Variants in TLCD4 observed in about 807,000 individuals in gnomAD.
TLCD4 encodes TLC domain-containing protein 4.
TLCD4 carries 7 observed loss-of-function variants against 24.2 expected under a neutral mutation model. The ratio of observed to expected loss-of-function variants is 0.29; its 90% CI spans 0.16 to 0.54. TLCD4 has a LOEUF of 0.54. Among genes scored for constraint, TLCD4 ranks in the 20% least tolerant of loss-of-function variants. The pLI, the probability that TLCD4 is intolerant of heterozygous loss-of-function variation, is 0.95. For synonymous variants in TLCD4, 103 were observed against 106.4 expected (o/e 0.97, Z 0.20); for missense variants, 259 against 313.9 (o/e 0.82, Z 1.32).
At chr1:95,136,408 A>G (rs1166436865) in intron 1 of TLCD4, among the ~76,000 whole-genome samples, 1 of 152,172 alleles carries the variant, frequency 6.6e-6, no homozygotes, top group African/African-American at 2.4e-5. Flanking sequence ...ATTTGGATTC[A>G]TTATTTCAGC....
chr1:95,163,883 C>T (rs947287762), intron 5 of TLCD4: 1 of 152,418 alleles, frequency 6.6e-6, no homozygotes, highest in African/African-American at 2.4e-5. Flanking sequence ...CAGAGGGGCA[C>T]CCAGCCATAT....
intron 1 of TLCD4, among the ~76,000 whole-genome samples, chr1:95,123,503 G>A (rs1264647092): frequency 6.6e-6 from 1 of 152,012 alleles, no homozygotes; most frequent in Non-Finnish European, 1.5e-5. Context: ...TTTTTAAATT[G>A]CAAAAGTAAA....
At chr1:95,109,891 C>T in the TLCD4 span, among the ~76,000 whole-genome samples, 1 of 136,092 alleles carries the variant, frequency 7.3e-6, no homozygotes, top group Non-Finnish European at 1.6e-5. Flanking sequence ...GTTTGTACTA[C>T]ATACACATAA....
At chr1:95,155,850 A>G (rs555942799) in intron 5 of TLCD4, among the ~76,000 whole-genome samples, 1 of 151,650 alleles carries the variant, frequency 6.6e-6, no homozygotes, top group African/African-American at 2.4e-5. Flanking sequence ...GGTGGGGGAT[A>G]GGGGATAACA....
At chr1:95,154,498 G>T (rs562085286) in intron 5 of TLCD4, among the ~76,000 whole-genome samples, 17 of 152,254 alleles carry the variant, frequency 1.1e-4, no homozygotes, top group African/African-American at 4.1e-4. Flanking sequence ...ATTGGAGAAG[G>T]TCATGTAGGC....
chr1:95,176,991 AATTCCAG>A (rs1166568604), intron 6 of TLCD4, among the ~76,000 whole-genome samples: 1 of 152,122 alleles, frequency 6.6e-6, no homozygotes, highest in African/African-American at 2.4e-5. Flanking sequence ...CTGACTTCCT[AATTCCAG>A]ATACACCTTC....
chr1:95,131,036 A>G (rs945663365), intron 1 of TLCD4, among the ~76,000 whole-genome samples: 3 of 152,214 alleles, frequency 2.0e-5, no homozygotes, highest in African/African-American at 7.2e-5. Context: ...ATGTAAGAGT[A>G]TGTCTGTTAT....
At chr1:95,169,081 T>G (rs1244614202) in intron 5 of TLCD4, among the ~76,000 whole-genome samples, 1 of 152,240 alleles carries the variant, frequency 6.6e-6, no homozygotes, top group Non-Finnish European at 1.5e-5. Flanking sequence ...TCCTTGGGGC[T>G]TATAGATCGC....
intron 1 of TLCD4, among the ~76,000 whole-genome samples, chr1:95,139,800 T>C (rs1677149157): frequency 6.6e-6 from 1 of 152,318 alleles, no homozygotes; most frequent in South Asian, 2.1e-4. Context: ...AACAAACCCA[T>C]TGTATGGCTG....
chr1:95,164,198 T>C (rs1156276640), intron 5 of TLCD4: 1 of 153,710 alleles, frequency 6.5e-6, no homozygotes, highest in African/African-American at 2.4e-5. Context: ...GCCTTAGCAA[T>C]GGCGGATGCC....
chr1:95,118,959 A>G (rs1033665692), intron 1 of TLCD4, among the ~76,000 whole-genome samples: 3 of 151,350 alleles, frequency 2.0e-5, no homozygotes, highest in Middle Eastern at 3.2e-3. Flanking sequence ...TACGCCTGCA[A>G]CTCCTTTTGT....
At chr1:95,142,946 T>C (rs1231157734) in intron 1 of TLCD4, among the ~76,000 whole-genome samples, 1 of 100,322 alleles carries the variant, frequency 1.0e-5, no homozygotes, top group African/African-American at 3.8e-5. Flanking sequence ...ACAGCAAGAC[T>C]CCATCTGGAG....
intron 6 of TLCD4, among the ~76,000 whole-genome samples, chr1:95,185,456 C>T (rs917795840): frequency 5.3e-5 from 8 of 152,238 alleles, no homozygotes; most frequent in African/African-American, 1.4e-4. Flanking sequence ...TGGGTTTGAA[C>T]TGTATGAGTC....
In TLCD4 at chr1:95,133,606, G is replaced by A. The variant is rs1676961888; in HGVS notation, c.-11-10285G>A. Among the ~76,000 whole-genome samples the A allele has an allele frequency of 2.0e-5, 3 of 152,224 alleles. 1 individual carries two copies. The South Asian group carries it at 6.2e-4, about 32-fold the overall frequency. On this transcript the variant is annotated intron_variant, in intron 1 of 6. Transcript: ENST00000370203. Reference sequence around the variant, plus strand: ...TTCATATGTTGGCTTCTACTTTTTTGTGAAGTAGGATGGGGGTCATCTGCT... The same window carrying A: ...TTCATATGTTGGCTTCTACTTTTTTATGAAGTAGGATGGGGGTCATCTGCT...
intron 1 of TLCD4, among the ~76,000 whole-genome samples, chr1:95,137,785 A>G (rs897916655): frequency 2.0e-5 from 3 of 150,256 alleles, no homozygotes; most frequent in Non-Finnish European, 4.4e-5. Context: ...CCCAGGCCTG[A>G]GTGCCCTGGT....
chr1:95,097,837 TTC>T, the TLCD4 span, among the ~76,000 whole-genome samples: 8 of 152,240 alleles, frequency 5.3e-5, no homozygotes, highest in African/African-American at 1.9e-4. Flanking sequence ...TGAAATCTAG[TTC>T]TCTTTGTGCT....
Position 95,148,790 on chromosome 1 carries a change from T to C in TLCD4, c.244T>C (p.Trp82Arg). 1.2e-6 allele frequency: 2 copies of C among 1,611,036 alleles called. No homozygotes were observed. The highest frequency in any genetic ancestry group is 1.7e-6 in the Non-Finnish European group (2 of 1,179,164). ...FDEATKADPL[W>R]GGPSLANVNI... ...TGAGGCTACTAAAGCTGATCCACTTTGGTAAGCTGTTTCTTTTTCTAAGAT... is the reference window on the plus strand; with the variant it reads ...TGAGGCTACTAAAGCTGATCCACTTCGGTAAGCTGTTTCTTTTTCTAAGAT... Residue 82 changes from tryptophan (W) to arginine (R), a missense_variant and splice_region_variant, in exon 3 of 7, where the codon TGG becomes CGG. Physicochemically the swap from Trp to Arg is moderately radical, Grantham distance 101 (BLOSUM62 -3). Coordinates refer to ENST00000370203, the MANE Select transcript of TLCD4 (RefSeq NM_152487.3).
chr1:95,173,195 C>CT (rs1032756562), intron 5 of TLCD4, among the ~76,000 whole-genome samples: 24 of 152,146 alleles, frequency 1.6e-4, no homozygotes, highest in Admixed American at 3.3e-4. Context: ...AGGATAAGTG[C>CT]TTTTTTGAGA....
At chr1:95,107,149 C>A in the TLCD4 span, among the ~76,000 whole-genome samples, 2 of 152,112 alleles carry the variant, frequency 1.3e-5, no homozygotes, top group African/African-American at 4.8e-5. Flanking sequence ...TTAGGCCGGG[C>A]GCGGTGGCTC....
Sources: gnomAD v4.1 joint callset for allele counts (sites outside exome capture counted in the v4.1 genomes callset) on GRCh38, gnomAD v4.1.1 for gene constraint, MANE v1.5 for transcripts, NCBI Gene and HGNC (gene_info 2026-07-23, HGNC 2026-07-21) for gene names.